Variants in MBNL1 observed in about 807,000 individuals in gnomAD.
The protein encoded by MBNL1 is muscleblind like splicing regulator 1.
Under a neutral mutation model 42.2 loss-of-function variants are expected in MBNL1, and 8 were observed. The observed-to-expected ratio is 0.19, with a 90% CI of 0.11 to 0.34. The LOEUF (loss-of-function observed/expected upper bound fraction) is 0.34. Ranked by LOEUF, MBNL1 falls within the 10% of genes least tolerant of loss-of-function variation. The pLI, the probability that MBNL1 is intolerant of heterozygous loss-of-function variation, is 1.00. For synonymous variants in MBNL1, 169 were observed against 173.9 expected (o/e 0.97, Z 0.22); for missense variants, 309 against 495.3 (o/e 0.62, Z 3.57).
chr3:152,338,144 C>T (rs780346769), intron 2 of MBNL1: 140 of 984,930 alleles, frequency 1.4e-4, no homozygotes, highest in African/African-American at 5.8e-4. Flanking sequence ...CCACTTCATC[C>T]GTGTTTTTGG....
intron 6 of MBNL1, among the ~76,000 whole-genome samples, chr3:152,453,647 A>G (rs1201224425): frequency 2.0e-5 from 3 of 152,140 alleles, no homozygotes; most frequent in Non-Finnish European, 4.4e-5. Flanking sequence ...TTTGTGAGTT[A>G]TTGCACCCTG....
At chr3:152,297,282 CT>C (rs2058980392) in intron 1 of MBNL1, among the ~76,000 whole-genome samples, 1 of 119,504 alleles carries the variant, frequency 8.4e-6, no homozygotes, top group Non-Finnish European at 1.7e-5. Flanking sequence ...TTTATAGAAA[CT>C]GGCATTAAGA....
intron 4 of MBNL1, among the ~76,000 whole-genome samples, chr3:152,439,211 T>C (rs1327409281): frequency 1.3e-5 from 2 of 152,228 alleles, no homozygotes; most frequent in South Asian, 2.1e-4. Flanking sequence ...CAGAAGAATC[T>C]AATAACCCTT....
intron 2 of MBNL1, chr3:152,262,724 AG>A (rs1203984914): frequency 1.3e-5 from 2 of 152,242 alleles, no homozygotes; most frequent in Non-Finnish European, 2.9e-5. Flanking sequence ...AAGCCCTATT[AG>A]ATACTATTTT....
chr3:152,324,659 G>C (rs1438965688), intron 2 of MBNL1, among the ~76,000 whole-genome samples: 1 of 152,036 alleles, frequency 6.6e-6, no homozygotes, highest in Non-Finnish European at 1.5e-5. Context: ...TTATTATGAG[G>C]AATAGCCATG....
chr3:152,256,781 G>A (rs1166141708), intron 2 of MBNL1, among the ~76,000 whole-genome samples: 1 of 152,078 alleles, frequency 6.6e-6, no homozygotes, highest in Non-Finnish European at 1.5e-5. Context: ...TGGAAAAAAT[G>A]GCCTTCCCTC....
intron 2 of MBNL1, among the ~76,000 whole-genome samples, chr3:152,336,983 T>G (rs1000547581): frequency 1.3e-5 from 2 of 152,198 alleles, no homozygotes; most frequent in African/African-American, 4.8e-5. Context: ...TTAATTTGCT[T>G]CGAGTCTTGA....
chr3:152,247,584 A>G (rs1292921696), intron 2 of MBNL1, among the ~76,000 whole-genome samples: 2 of 152,132 alleles, frequency 1.3e-5, no homozygotes, highest in East Asian at 3.9e-4. Flanking sequence ...ACCACTGTTC[A>G]TTAATTTTTA....
chr3:152,433,097 G>A (rs183655936), intron 4 of MBNL1, among the ~76,000 whole-genome samples, 177 bp downstream of exon 4: 46 of 152,222 alleles, frequency 3.0e-4, no homozygotes, highest in African/African-American at 1.0e-3. Flanking sequence ...TTAATGTAAC[G>A]TTTATAAAGG....
At chr3:152,382,331 T>C (rs1427487238) in intron 2 of MBNL1, among the ~76,000 whole-genome samples, 3 of 152,112 alleles carry the variant, frequency 2.0e-5, no homozygotes, top group Non-Finnish European at 4.4e-5. Flanking sequence ...AGAGTACATT[T>C]TGACTCTGTG....
At chr3:152,315,918 C>T (rs1046517400) in intron 2 of MBNL1, among the ~76,000 whole-genome samples, 16 of 151,992 alleles carry the variant, frequency 1.1e-4, no homozygotes, top group Admixed American at 2.6e-4. Context: ...CATATGCGCG[C>T]GCACACACCC....
intron 2 of MBNL1, among the ~76,000 whole-genome samples, chr3:152,254,575 G>C (rs1201700043): frequency 6.6e-6 from 1 of 151,894 alleles, no homozygotes; most frequent in East Asian, 1.9e-4. Flanking sequence ...TTACTTCCTT[G>C]TTCTATTTTT....
chr3:152,411,336 A>G (rs1008760982), intron 2 of MBNL1, among the ~76,000 whole-genome samples: 2 of 152,134 alleles, frequency 1.3e-5, no homozygotes, highest in African/African-American at 2.4e-5. Flanking sequence ...CCTGGCTAAC[A>G]TGGTGAAACC....
intron 2 of MBNL1, among the ~76,000 whole-genome samples, chr3:152,258,342 G>A (rs1432289014): frequency 2.6e-5 from 4 of 152,102 alleles, no homozygotes; most frequent in African/African-American, 9.7e-5. Flanking sequence ...AAGTTTGCAG[G>A]AACCTGAGAC....
At chr3:152,253,078 T>C (rs1027392840) in intron 2 of MBNL1, among the ~76,000 whole-genome samples, 6 of 152,114 alleles carry the variant, frequency 3.9e-5, no homozygotes, top group Non-Finnish European at 8.8e-5. Context: ...AACAAATTCA[T>C]ACCTCCTCAA....
At chr3:152,372,295 G>A (rs951510094) in intron 2 of MBNL1, among the ~76,000 whole-genome samples, 1 of 152,156 alleles carries the variant, frequency 6.6e-6, no homozygotes, top group Non-Finnish European at 1.5e-5. Flanking sequence ...GCCTACTTCT[G>A]TCAATTCGTC....
At chr3:152,406,926 A>AATT (rs2098443072) in intron 2 of MBNL1, among the ~76,000 whole-genome samples, 1 of 152,164 alleles carries the variant, frequency 6.6e-6, no homozygotes, top group Non-Finnish European at 1.5e-5. Flanking sequence ...AAAAGAATCT[A>AATT]TTACATTATA....
chr3:152,271,574 G>A (rs2041938025), intron 1 of MBNL1, among the ~76,000 whole-genome samples: 1 of 152,088 alleles, frequency 6.6e-6, no homozygotes, highest in Non-Finnish European at 1.5e-5. Flanking sequence ...TCAGGTCTTG[G>A]TTAGGAGAAG....
intron 2 of MBNL1, among the ~76,000 whole-genome samples, chr3:152,349,876 G>T (rs1268514723): frequency 6.6e-6 from 1 of 152,022 alleles, no homozygotes; most frequent in African/African-American, 2.4e-5. Flanking sequence ...GGATGACTAG[G>T]CCTGGAGCAT....
Sources: gnomAD v4.1 joint callset for allele counts (sites outside exome capture counted in the v4.1 genomes callset) on GRCh38, gnomAD v4.1.1 for gene constraint, MANE v1.5 for transcripts, NCBI Gene and HGNC (gene_info 2026-07-23, HGNC 2026-07-21) for gene names.